ROBO1: variants seen among roughly 807,000 people sequenced by gnomAD.
The protein encoded by ROBO1 is roundabout homolog 1.
Under a neutral mutation model 195.9 loss-of-function variants are expected in ROBO1, and 149 were observed. The observed-to-expected ratio is 0.76, with a 90% CI of 0.67 to 0.87. The LOEUF (loss-of-function observed/expected upper bound fraction) is 0.87. Ranked by LOEUF, ROBO1 falls within the 40% of genes least tolerant of loss-of-function variation. The pLI, the probability that ROBO1 is intolerant of heterozygous loss-of-function variation, is 0.00. For missense variants in ROBO1, 1,933 were observed against 2,068.3 expected (o/e 0.93, Z 1.27); for synonymous variants, 816 against 733.2 (o/e 1.11, Z -1.82).
chr3:79,675,530 G>T (rs1056054819), intron 1 of ROBO1, among the ~76,000 whole-genome samples: 1 of 151,968 alleles, frequency 6.6e-6, no homozygotes, highest in Non-Finnish European at 1.5e-5. Context: ...CAAGGGAGAA[G>T]ACAAATGACA....
intron 2 of ROBO1, among the ~76,000 whole-genome samples, chr3:79,309,977 C>G (rs982244807): frequency 2.0e-5 from 3 of 152,214 alleles, no homozygotes; most frequent in South Asian, 4.1e-4. Context: ...TCCTTTGAAC[C>G]ATATTTAACT....
intron 4 of ROBO1, among the ~76,000 whole-genome samples, chr3:78,860,551 G>A (rs2106986192): frequency 6.6e-6 from 1 of 151,878 alleles, no homozygotes; most frequent in South Asian, 2.1e-4. Flanking sequence ...AAGTAAATGA[G>A]CTTAAAGAGG....
intron 2 of ROBO1, among the ~76,000 whole-genome samples, chr3:79,419,249 G>T (rs1376111602): frequency 6.6e-6 from 1 of 152,090 alleles, no homozygotes; most frequent in Non-Finnish European, 1.5e-5. Flanking sequence ...TCAGCAAATT[G>T]ATAGGTGTTT....
intron 2 of ROBO1, among the ~76,000 whole-genome samples, chr3:79,314,382 G>A (rs112939968): frequency 0.028 from 4,295 of 152,230 alleles, 175 homozygotes; most frequent in African/African-American, 0.092. Context: ...CCCTCATGCT[G>A]TTCTCATGAT....
At chr3:79,322,021 A>G (rs2034001558) in intron 2 of ROBO1, among the ~76,000 whole-genome samples, 1 of 152,178 alleles carries the variant, frequency 6.6e-6, no homozygotes, top group African/African-American at 2.4e-5. Flanking sequence ...AAAAGGTCCT[A>G]AGATGCTACT....
chr3:79,023,553 T>C (rs1297710204), intron 3 of ROBO1, among the ~76,000 whole-genome samples: 1 of 152,058 alleles, frequency 6.6e-6, no homozygotes, highest in Non-Finnish European at 1.5e-5. Context: ...TTTGTTTGCT[T>C]CTCTGCTACT....
At chr3:79,690,885 A>G (rs1472825369) in intron 1 of ROBO1, among the ~76,000 whole-genome samples, 3 of 151,932 alleles carry the variant, frequency 2.0e-5, no homozygotes, top group Non-Finnish European at 4.4e-5. Flanking sequence ...AAAGTAAAAT[A>G]TCAAAAACTA....
intron 4 of ROBO1, among the ~76,000 whole-genome samples, chr3:78,866,806 T>C (rs957648668): frequency 6.6e-6 from 1 of 152,156 alleles, no homozygotes; most frequent in African/African-American, 2.4e-5. Context: ...CTCTTGAGAA[T>C]AGAGGGGCAG....
chr3:78,736,622 A>G (rs1185489498), intron 5 of ROBO1, among the ~76,000 whole-genome samples: 1 of 152,208 alleles, frequency 6.6e-6, no homozygotes, highest in Non-Finnish European at 1.5e-5. Flanking sequence ...TCAAATGCAC[A>G]TGTAACATAT....
intron 4 of ROBO1, among the ~76,000 whole-genome samples, chr3:78,920,325 G>C (rs1185036079): frequency 6.6e-6 from 1 of 151,358 alleles, no homozygotes; most frequent in Non-Finnish European, 1.5e-5. Flanking sequence ...TTTTTTTTGA[G>C]ATGGAGTCTT....
intron 2 of ROBO1, among the ~76,000 whole-genome samples, chr3:79,344,651 A>G (rs1180350756): frequency 1.3e-5 from 2 of 152,096 alleles, no homozygotes; most frequent in African/African-American, 4.8e-5. Flanking sequence ...AGTTACAATA[A>G]TGAATGCTTT....
At chr3:78,960,936 G>C (rs1179880441) in intron 3 of ROBO1, among the ~76,000 whole-genome samples, 1 of 151,952 alleles carries the variant, frequency 6.6e-6, no homozygotes, top group Non-Finnish European at 1.5e-5. Flanking sequence ...AAGCAGATCT[G>C]TTCTAGTGTT....
At chr3:79,031,714 C>T (rs1174284623) in intron 3 of ROBO1, among the ~76,000 whole-genome samples, 1 of 151,966 alleles carries the variant, frequency 6.6e-6, no homozygotes, top group African/African-American at 2.4e-5. Context: ...AATCATCAAA[C>T]ATTAATTGAT....
Position 78,717,978 on chromosome 3 carries a change from T to C in ROBO1, c.658-95A>G, listed in dbSNP as rs868243196. On this transcript the variant is annotated intron_variant, in intron 5 of 30. Transcript: ENST00000464233. ...ATAAGTGAAGACTGCTTTCTAAGCA[T>C]ATAAATCAAAGCATAATTACATCAA... 2.4e-5 allele frequency: 29 copies of C among 1,227,780 alleles called. No individual in the cohort carries two copies. The Middle Eastern group carries it at 9.8e-4, about 42-fold the overall frequency. 76.1% of individuals were successfully genotyped at this position (1,227,780 alleles called of 1,614,324 possible). A position where few individuals can be genotyped will look rare whatever the true frequency, so the allele number is the denominator to read the frequency against.
chr3:78,959,338 A>G (rs2041220639), intron 3 of ROBO1, among the ~76,000 whole-genome samples: 1 of 152,226 alleles, frequency 6.6e-6, no homozygotes, highest in Non-Finnish European at 1.5e-5. Flanking sequence ...TAGTTTTATT[A>G]TAAGAGTAGA....
chr3:79,158,139 A>G (rs1194259855), intron 2 of ROBO1, among the ~76,000 whole-genome samples: 1 of 151,808 alleles, frequency 6.6e-6, no homozygotes, highest in Admixed American at 6.6e-5. Flanking sequence ...CAAAAACAAT[A>G]AAATTTTAGT....
At chr3:79,007,778 C>T (rs1288618540) in intron 3 of ROBO1, among the ~76,000 whole-genome samples, 1 of 152,180 alleles carries the variant, frequency 6.6e-6, no homozygotes, top group Admixed American at 6.5e-5. Context: ...TAAGCTCACT[C>T]AGAGATCATC....
At chr3:79,125,264 C>T (rs1358420337) in intron 3 of ROBO1, among the ~76,000 whole-genome samples, 192 bp downstream of exon 3, 1 of 152,140 alleles carries the variant, frequency 6.6e-6, no homozygotes, top group Non-Finnish European at 1.5e-5. Flanking sequence ...TTTCCATGTA[C>T]ATTTCTGTTC....
intron 3 of ROBO1, among the ~76,000 whole-genome samples, chr3:79,058,466 G>T (rs1473197943): frequency 3.9e-5 from 6 of 152,108 alleles, no homozygotes; most frequent in Admixed American, 3.9e-4. Context: ...ATTGGCTATT[G>T]CCATGTCTGG....
Sources: allele counts gnomAD v4.1 joint callset (sites outside exome capture counted in the v4.1 genomes callset), GRCh38; gene constraint gnomAD v4.1.1; transcripts MANE v1.5; gene names NCBI Gene and HGNC (gene_info 2026-07-23, HGNC 2026-07-21).